Variants in ZDHHC17 observed in about 807,000 individuals in gnomAD.
ZDHHC17 encodes palmitoyltransferase ZDHHC17.
A neutral mutation model predicts 90.3 loss-of-function variants in ZDHHC17; 40 were observed. The observed-to-expected ratio is 0.44, with a 90% CI of 0.34 to 0.58. The LOEUF is 0.58. Among genes scored for constraint, ZDHHC17 ranks in the 20% least tolerant of loss-of-function variants. The pLI is 0.01. For missense variants in ZDHHC17, 614 were observed against 780.8 expected, an observed-to-expected ratio of 0.79 and a Z score of 2.55; for synonymous variants, 235 against 252.4, an observed-to-expected ratio of 0.93 and a Z score of 0.65.
chr12:76,823,367 AC>A (rs1292154429), intron 8 of ZDHHC17, among the ~76,000 whole-genome samples: 1 of 152,190 alleles, frequency 6.6e-6, no homozygotes, highest in African/African-American at 2.4e-5. Context: ...TCATCCATAT[AC>A]CTTCAGTTTT....
intron 8 of ZDHHC17, among the ~76,000 whole-genome samples, chr12:76,824,816 C>G (rs1234678227): frequency 3.3e-5 from 5 of 150,206 alleles, no homozygotes; most frequent in Non-Finnish European, 5.9e-5. Flanking sequence ...GCACTCCAGC[C>G]TGGGTGACCG....
At chr12:76,817,723 G>A (rs140713842) in intron 7 of ZDHHC17, among the ~76,000 whole-genome samples, 1,693 of 152,064 alleles carry the variant, frequency 0.011, 11 homozygotes, top group Non-Finnish European at 0.017. Context: ...TAGCCATTGC[G>A]TAAACTTTTA....
intron 10 of ZDHHC17, among the ~76,000 whole-genome samples, chr12:76,839,244 GC>G (rs1376287050): frequency 9.2e-5 from 14 of 152,172 alleles, no homozygotes; most frequent in African/African-American, 3.4e-4. Flanking sequence ...ATAGCAAAGG[GC>G]CAGGGTGAAA....
chr12:76,802,862 A>G (rs1330491148), intron 2 of ZDHHC17, among the ~76,000 whole-genome samples: 1 of 152,254 alleles, frequency 6.6e-6, no homozygotes, highest in Admixed American at 6.5e-5. Flanking sequence ...CCACCACTGC[A>G]AAAGTGGTAC....
chr12:76,811,452 T>G (rs932755458), intron 5 of ZDHHC17, among the ~76,000 whole-genome samples: 4 of 152,116 alleles, frequency 2.6e-5, no homozygotes, highest in Non-Finnish European at 1.5e-5. Flanking sequence ...TTTTTTTAAC[T>G]TATTGATTTT....
intron 8 of ZDHHC17, among the ~76,000 whole-genome samples, chr12:76,825,977 C>T (rs1953225639): frequency 6.6e-6 from 1 of 151,970 alleles, no homozygotes; most frequent in Admixed American, 6.6e-5. Context: ...TGCTACCATG[C>T]CCAGATAATT....
chr12:76,778,301 G>C (rs753068660), intron 1 of ZDHHC17, among the ~76,000 whole-genome samples: 19 of 152,242 alleles, frequency 1.2e-4, no homozygotes, highest in Non-Finnish European at 2.2e-4. Context: ...TCTGCCTCCT[G>C]GATGGGTTCA....
At chr12:76,787,152 G>A (rs1233790127) in intron 1 of ZDHHC17, among the ~76,000 whole-genome samples, 1 of 148,120 alleles carries the variant, frequency 6.8e-6, no homozygotes, top group Non-Finnish European at 1.5e-5. Flanking sequence ...GGGCCCTAAT[G>A]GAAATGTCAC....
intron 1 of ZDHHC17, among the ~76,000 whole-genome samples, chr12:76,767,354 G>A (rs1005818260): frequency 1.3e-5 from 2 of 152,162 alleles, no homozygotes; most frequent in African/African-American, 2.4e-5. Flanking sequence ...TTATTTGTGG[G>A]TAAAGAAATG....
intron 6 of ZDHHC17, 91 bp downstream of exon 6, chr12:76,815,301 C>T: frequency 4.0e-6 from 3 of 745,092 alleles, no homozygotes; most frequent in Non-Finnish European, 4.1e-6. Flanking sequence ...ATACTATACT[C>T]ACTAATATTT....
At position 76,809,166 on chromosome 12, in the gene ZDHHC17, T is replaced by G. The variant is rs757725409; in HGVS notation, c.398+46T>G. The G allele has an allele frequency of 2.4e-5, 32 of 1,356,294 alleles. No homozygotes were observed. In the South Asian group the frequency reaches 5.1e-4, roughly 21 times the overall value. The allele number at this position is 1,356,294 out of a possible 1,614,324, so 84.0% of individuals were successfully genotyped here. ...TTTTTTCCTTTGGTTCCTTTATTAG[T>G]ATATAAATAAACAACTTTAAAAAAA... On this transcript the variant is annotated intron_variant, in intron 4 of 16. Transcript: ENST00000426126.
chr12:76,810,496 ATAACTT>A (rs1366757817), intron 5 of ZDHHC17, among the ~76,000 whole-genome samples: 7 of 152,248 alleles, frequency 4.6e-5, no homozygotes, highest in African/African-American at 1.7e-4. Context: ...CATCACAAGA[ATAACTT>A]TAAGATATAT....
intron 8 of ZDHHC17, among the ~76,000 whole-genome samples, chr12:76,822,855 G>A (rs1365906688): frequency 1.3e-5 from 2 of 152,034 alleles, no homozygotes; most frequent in East Asian, 3.9e-4. Context: ...ATGAGCCACC[G>A]CGCCCAGCTG....
intron 10 of ZDHHC17, among the ~76,000 whole-genome samples, chr12:76,834,051 A>G (rs1034097578): frequency 6.6e-6 from 1 of 152,204 alleles, no homozygotes; most frequent in African/African-American, 2.4e-5. Context: ...TTAAGATACA[A>G]TAAGTGAAAA....
intron 1 of ZDHHC17, among the ~76,000 whole-genome samples, chr12:76,776,956 T>C (rs1027812599): frequency 6.6e-6 from 1 of 152,204 alleles, no homozygotes; most frequent in Non-Finnish European, 1.5e-5. Context: ...TTTAAAATAG[T>C]TGTAGATTCA....
At chr12:76,836,850 G>A (rs11115654) in intron 10 of ZDHHC17, among the ~76,000 whole-genome samples, 1,686 of 152,204 alleles carry the variant, frequency 0.011, 11 homozygotes, top group Non-Finnish European at 0.017. Flanking sequence ...TTAAGTATGT[G>A]TAAGTTTAGA....
At chr12:76,812,509 C>T (rs1297618938) in intron 5 of ZDHHC17, among the ~76,000 whole-genome samples, 1 of 151,986 alleles carries the variant, frequency 6.6e-6, no homozygotes, top group Non-Finnish European at 1.5e-5. Flanking sequence ...ATAAAATTAG[C>T]ATATTTTTAT....
chr12:76,765,948 CACCTT>C (rs1308343964), intron 1 of ZDHHC17, among the ~76,000 whole-genome samples: 5 of 152,194 alleles, frequency 3.3e-5, no homozygotes, highest in Non-Finnish European at 1.5e-5. Context: ...GTGGTCCTCT[CACCTT>C]AGCTACTTAA....
At chr12:76,803,844 C>T (rs11115487) in intron 2 of ZDHHC17, among the ~76,000 whole-genome samples, 1 of 152,134 alleles carries the variant, frequency 6.6e-6, no homozygotes, top group East Asian at 1.9e-4. Flanking sequence ...AATTGGATTA[C>T]CTCCATCTAT....
Sources: allele counts gnomAD v4.1 joint callset (sites outside exome capture counted in the v4.1 genomes callset), GRCh38; gene constraint gnomAD v4.1.1; transcripts MANE v1.5; gene names NCBI Gene and HGNC (gene_info 2026-07-23, HGNC 2026-07-21).